PCDHGA1: variants seen among roughly 807,000 people sequenced by gnomAD.
PCDHGA1 encodes protocadherin gamma subfamily A, 1.
Under a neutral mutation model 58.0 loss-of-function variants are expected in PCDHGA1, and 32 were observed. The observed-to-expected ratio is 0.55, with a 90% CI of 0.42 to 0.74. PCDHGA1 has a LOEUF of 0.74. PCDHGA1 is among the 30% of genes least tolerant of loss of function. PCDHGA1 has a pLI of 0.00. For synonymous variants in PCDHGA1, 498 were observed against 501.1 expected, an observed-to-expected ratio of 0.99 and a Z score of 0.08; for missense variants, 1,205 against 1,182.3, an observed-to-expected ratio of 1.02 and a Z score of -0.28.
In PCDHGA1 at chr5:141,477,629, C is replaced by A. The variant is rs1191573380; in HGVS notation, c.2422-17178C>A. The A allele has an allele frequency of 6.2e-7, 1 of 1,614,040 alleles. No individual in the cohort carries two copies. The highest frequency in any genetic ancestry group is 8.5e-7 in the Non-Finnish European group (1 of 1,180,040). ...CTTGGAGCAAGGAGCTGAAACCGGGCTAGTGGGTCGCTATTTCACAATAAA... is the reference window on the plus strand; with the variant it reads ...CTTGGAGCAAGGAGCTGAAACCGGGATAGTGGGTCGCTATTTCACAATAAA... On this transcript the variant is annotated intron_variant, in intron 1 of 3. Coordinates refer to ENST00000517417, the MANE Select transcript of PCDHGA1 (RefSeq NM_018912.3). The surrounding 1 kb of genome is among the most constrained non-coding windows in gnomAD (Gnocchi z 4.9).
At chr5:141,410,403 A>G (rs752705682) in intron 1 of PCDHGA1, 2 of 1,614,028 alleles carry the variant, frequency 1.2e-6, no homozygotes, top group Admixed American at 1.7e-5. Context: ...CTCTGTGTCA[A>G]GTCTGGACCT....
rs199952854 is a variant in PCDHGA1 at position 141,477,297 on chromosome 5, G to T, written c.2422-17510G>T. 4 of 1,614,176 alleles carry T rather than the reference G, an allele frequency of 2.5e-6. No individual in the cohort carries two copies. Among genetic ancestry groups the T allele is most frequent in the Non-Finnish European group, 3.4e-6 (4 of 1,180,040 alleles). On this transcript the variant is annotated intron_variant, in intron 1 of 3. Coordinates refer to ENST00000517417, the MANE Select transcript of PCDHGA1 (RefSeq NM_018912.3). The surrounding 1 kb of genome is among the most constrained non-coding windows in gnomAD (Gnocchi z 4.9). ...CTGGTGACCTGCGAAGTTCCACCGGGTCTCCCTTTCAGCCTTACTTCTTCC... is the reference window on the plus strand; with the variant it reads ...CTGGTGACCTGCGAAGTTCCACCGGTTCTCCCTTTCAGCCTTACTTCTTCC...
intron 1 of PCDHGA1, chr5:141,365,029 C>T (rs1361601199): frequency 6.8e-6 from 11 of 1,613,864 alleles, no homozygotes; most frequent in Non-Finnish European, 9.3e-6. Context: ...TTACGGTCCT[C>T]GACGCAAACG....
At chr5:141,395,815 A>T (rs1243382510) in intron 1 of PCDHGA1, 1 of 152,044 alleles carries the variant, frequency 6.6e-6, no homozygotes, top group Non-Finnish European at 1.5e-5. Context: ...AAACATGAAC[A>T]AACTTTAAAG....
chr5:141,381,965 G>A (rs571350764), intron 1 of PCDHGA1, among the ~76,000 whole-genome samples: 2 of 151,078 alleles, frequency 1.3e-5, no homozygotes, highest in Admixed American at 1.3e-4. Context: ...GAGTAGCTGG[G>A]ATTACAGGCG....
At chr5:141,350,015 A>G in intron 1 of PCDHGA1, 1 of 362,456 alleles carries the variant, frequency 2.8e-6, no homozygotes, top group Admixed American at 4.2e-5. Flanking sequence ...GGCCCTGTGC[A>G]GTTTTCCAAG....
In PCDHGA1 at chr5:141,512,809, A is replaced by C. The variant is rs2099884438; in HGVS notation, c.*1636A>C. ...GTGTTTTGTGCTGTGTCCACGCGCT[A>C]AGGCGACCCCCTCCCCCGTACTGAC... On this transcript the variant is annotated 3_prime_UTR_variant, in exon 4 of 4. Coordinates refer to ENST00000517417, the MANE Select transcript of PCDHGA1 (RefSeq NM_018912.3). 6.6e-6 allele frequency: 1 copy of C among 152,130 alleles called. No homozygotes were observed. The highest frequency in any genetic ancestry group is 2.4e-5 in the African/African-American group (1 of 41,404). The allele number at this position is 152,130 out of a possible 1,614,324, so 9.4% of individuals were successfully genotyped here. A position where few individuals can be genotyped will look rare whatever the true frequency, so the allele number is the denominator to read the frequency against.
chr5:141,358,747 C>T (rs767586792), intron 1 of PCDHGA1, among the ~76,000 whole-genome samples: 41 of 152,120 alleles, frequency 2.7e-4, no homozygotes, highest in Non-Finnish European at 3.4e-4. Flanking sequence ...AGTCTTTTCT[C>T]TTGTCATCAT....
chr5:141,496,980 G>T (rs186715298), intron 2 of PCDHGA1, among the ~76,000 whole-genome samples: 1 of 151,974 alleles, frequency 6.6e-6, no homozygotes, highest in Admixed American at 6.6e-5. Flanking sequence ...GAGGTCAGGG[G>T]TTTGAGACCA....
At chr5:141,349,516 CT>C (rs1326171380) in intron 1 of PCDHGA1, among the ~76,000 whole-genome samples, 2 of 152,122 alleles carry the variant, frequency 1.3e-5, no homozygotes, top group African/African-American at 2.4e-5. Context: ...TCCTACTTAA[CT>C]GGAAAGATTA....
At chr5:141,353,676 G>A (rs116401360) in intron 1 of PCDHGA1, among the ~76,000 whole-genome samples, 3,945 of 152,034 alleles carry the variant, frequency 0.026, 75 homozygotes, top group Non-Finnish European at 0.038. Flanking sequence ...TGAACATTTG[G>A]GTTTATAAAG....
At chr5:141,395,547 TGTGTGTGTGTGTGTGTGTG>T (rs2093270842) in intron 1 of PCDHGA1, 3 of 174,256 alleles carry the variant, frequency 1.7e-5, no homozygotes, top group Non-Finnish European at 3.5e-5. Flanking sequence ...ATTGTTTGTG[TGTGTGTGTGTGTGTGTGTG>T]TGTGTGTGTG....
At position 141,478,876 on chromosome 5, in the gene PCDHGA1, C is replaced by A. The variant is rs2099482470; in HGVS notation, c.2422-15931C>A. 30 of 1,265,748 alleles carry A rather than the reference C, an allele frequency of 2.4e-5. No individual in the cohort carries two copies. The South Asian group carries it at 4.7e-4, about 20-fold the overall frequency. 78.4% of individuals were successfully genotyped at this position (1,265,748 alleles called of 1,614,324 possible). On this transcript the variant is annotated intron_variant, in intron 1 of 3. Transcript: ENST00000517417. ...CAAGATCTCAGCGATCAGAGTTTAGCTTGGTATCATTTACATTAGGAATAA... is the reference window on the plus strand; with the variant it reads ...CAAGATCTCAGCGATCAGAGTTTAGATTGGTATCATTTACATTAGGAATAA...
chr5:141,422,811 C>T (rs748248571), intron 1 of PCDHGA1: 1 of 1,614,248 alleles, frequency 6.2e-7, no homozygotes, highest in Non-Finnish European at 8.5e-7. Context: ...AGTTTCGAGA[C>T]TTAGAACTGA....
At chr5:141,405,545 AAGTAGAGTAGCTGGGACTAG>A (rs1053729516) in intron 1 of PCDHGA1, 17 of 631,162 alleles carry the variant, frequency 2.7e-5, no homozygotes, top group African/African-American at 9.2e-5. Flanking sequence ...TCAGCCTCCC[AAGTAGAGTAGCTGGGACTAG>A]AGTAGAGTAG....
intron 1 of PCDHGA1, chr5:141,377,597 C>G (rs935154854): frequency 2.6e-4 from 37 of 142,848 alleles, no homozygotes; most frequent in African/African-American, 9.9e-4. Context: ...CTTTTTCTCT[C>G]TCTCTCTCAA....
chr5:141,501,290 TAC>T (rs55762287), intron 2 of PCDHGA1, among the ~76,000 whole-genome samples: 11,544 of 136,022 alleles, frequency 0.085, 708 homozygotes, highest in East Asian at 0.37. Context: ...TATTCCCTTA[TAC>T]ACACACACAC....
chr5:141,348,748 T>A (rs888940861), intron 1 of PCDHGA1, among the ~76,000 whole-genome samples: 1 of 152,126 alleles, frequency 6.6e-6, no homozygotes, highest in Non-Finnish European at 1.5e-5. Context: ...GTAAAAGGAA[T>A]GGAAAGTATA....
At chr5:141,413,338 G>A in intron 1 of PCDHGA1, 1 of 1,613,980 alleles carries the variant, frequency 6.2e-7, no homozygotes, top group African/African-American at 1.3e-5. Context: ...CATCTCCAAG[G>A]ACTTGGGTCT....
Sources: gnomAD v4.1 joint callset for allele counts (sites outside exome capture counted in the v4.1 genomes callset) on GRCh38, gnomAD v4.1.1 for gene constraint, Gnocchi (gnomAD v3.1) non-coding constraint, MANE v1.5 for transcripts, NCBI Gene and HGNC (gene_info 2026-07-23, HGNC 2026-07-21) for gene names.